NTAQ1: variants seen among roughly 807,000 people sequenced by gnomAD.
NTAQ1 encodes the protein protein N-terminal glutamine amidohydrolase.
In NTAQ1, 21 loss-of-function variants were observed where a neutral mutation model predicts 28.2. The observed-to-expected ratio is 0.74, with a 90% CI of 0.53 to 1.07. The LOEUF is 1.07. Among genes scored for constraint, NTAQ1 ranks in the 50% least tolerant of loss-of-function variants. NTAQ1 has a pLI of 0.00. For synonymous variants in NTAQ1, 105 were observed against 90.0 expected (o/e 1.17, Z -0.94); for missense variants, 264 against 256.6 (o/e 1.03, Z -0.20).
At chr8:123,465,790 C>T (rs980275335) in intron 6 of NTAQ1, among the ~76,000 whole-genome samples, 1 of 151,862 alleles carries the variant, frequency 6.6e-6, no homozygotes, top group Non-Finnish European at 1.5e-5. Context: ...CCATGTTGCC[C>T]AGGCTGGTCT....
chr8:123,460,851 G>A (rs1815803354), intron 6 of NTAQ1, among the ~76,000 whole-genome samples: 1 of 152,204 alleles, frequency 6.6e-6, no homozygotes, highest in Admixed American at 6.5e-5. Context: ...CGTTGCAAAG[G>A]AAGCAAGGAG....
chr8:123,460,108 G>T (rs562320049), intron 6 of NTAQ1, among the ~76,000 whole-genome samples: 23 of 152,070 alleles, frequency 1.5e-4, no homozygotes, highest in African/African-American at 5.5e-4. Context: ...CCCAATGTAC[G>T]TGATTTTTAT....
downstream of NTAQ1, among the ~76,000 whole-genome samples, chr8:123,471,614 G>A (rs892547366): frequency 1.3e-5 from 2 of 152,192 alleles, no homozygotes; most frequent in Admixed American, 1.3e-4. Flanking sequence ...CAGCAGGCTT[G>A]AGACCCAGGG....
intron 2 of NTAQ1, 76 bp from the exon 3 acceptor site, chr8:123,429,879 CAAAAAAAAAAAAAAAAAATCCCGTCTCA>C (rs747337330): frequency 0.015 from 5,165 of 336,480 alleles, 1 homozygote; most frequent in South Asian, 0.034. Context: ...GACTCTGTCT[CAAAAAAAAAAAAAAAAAATCCCGTCTCA>C]AAAAAAAAAA....
downstream of NTAQ1, among the ~76,000 whole-genome samples, chr8:123,473,604 T>G (rs1431065678): frequency 6.6e-6 from 1 of 152,236 alleles, no homozygotes; most frequent in Non-Finnish European, 1.5e-5. Flanking sequence ...ATTTTTGAAT[T>G]TCTACATTGT....
downstream of NTAQ1, among the ~76,000 whole-genome samples, chr8:123,451,880 C>T (rs915781306): frequency 6.6e-6 from 1 of 152,200 alleles, no homozygotes; most frequent in Non-Finnish European, 1.5e-5. Context: ...TTGAATTATT[C>T]CCGTTGACTA....
intron 1 of NTAQ1, among the ~76,000 whole-genome samples, chr8:123,421,255 AT>A (rs1282806676): frequency 2.6e-5 from 4 of 151,232 alleles, no homozygotes; most frequent in Non-Finnish European, 5.9e-5. Context: ...TAATTTTTAT[AT>A]TTTTTGTAGT....
chr8:123,437,343 A>G lies in NTAQ1; in HGVS notation c.508+9A>G. The G allele has an allele frequency of 6.2e-7, 1 of 1,613,778 alleles. No individual in the cohort carries two copies. Among genetic ancestry groups the G allele is most frequent in the Non-Finnish European group, 8.5e-7 (1 of 1,179,810 alleles). On this transcript the variant is annotated intron_variant, in intron 5 of 5. Coordinates refer to ENST00000287387, the MANE Select transcript of NTAQ1 (RefSeq NM_018024.3). ...CTGCATTGAGACTGGAGGTGAGCCA[A>G]GATGCCTTCTCAGATGGGGGTTCTG...
intron 2 of NTAQ1, among the ~76,000 whole-genome samples, chr8:123,428,353 C>T (rs564608956): frequency 1.2e-4 from 18 of 152,092 alleles, no homozygotes; most frequent in Admixed American, 4.6e-4. Context: ...TGTGCCACCA[C>T]GCCCAGCTAA....
intron 6 of NTAQ1, among the ~76,000 whole-genome samples, chr8:123,461,654 T>G (rs3901852): frequency 6.6e-6 from 1 of 152,064 alleles, no homozygotes. Context: ...TATTAGACCA[T>G]AAACTCATAA....
At chr8:123,472,140 C>T (rs16898372), downstream of NTAQ1, among the ~76,000 whole-genome samples, 2,011 of 152,230 alleles carry the variant, frequency 0.013, 41 homozygotes, top group African/African-American at 0.046. Context: ...GGCAGTGACT[C>T]AGGAGAGTTG....
At chr8:123,473,532 G>T (rs1188525190), downstream of NTAQ1, among the ~76,000 whole-genome samples, 1 of 152,152 alleles carries the variant, frequency 6.6e-6, no homozygotes, top group Non-Finnish European at 1.5e-5. Context: ...GACCTCAACT[G>T]ATCTGGCCTT....
intron 1 of NTAQ1, among the ~76,000 whole-genome samples, chr8:123,417,564 CT>C (rs1257476999): frequency 6.6e-6 from 1 of 152,164 alleles, no homozygotes; most frequent in Non-Finnish European, 1.5e-5. Context: ...CAGTGCACCC[CT>C]GTCCTAGGCC....
intron 3 of NTAQ1, among the ~76,000 whole-genome samples, chr8:123,431,187 AT>A (rs963513017): frequency 3.3e-5 from 5 of 152,068 alleles, no homozygotes; most frequent in African/African-American, 9.7e-5. Context: ...AAGTACAAAA[AT>A]TAGCTGGGTG....
chr8:123,428,651 A>G (rs932756677), intron 2 of NTAQ1, among the ~76,000 whole-genome samples: 2 of 151,726 alleles, frequency 1.3e-5, no homozygotes, highest in South Asian at 2.1e-4. Context: ...CCCAGGCTAT[A>G]GCACAATGGT....
chr8:123,444,597 C>A (rs7825820), downstream of NTAQ1, among the ~76,000 whole-genome samples: 55,117 of 152,078 alleles, frequency 0.36, 10,104 homozygotes, highest in East Asian at 0.56. Flanking sequence ...AGCTCTGCCT[C>A]CCGGGTTCAC....
At chr8:123,448,617 C>T (rs1586960928), downstream of NTAQ1, among the ~76,000 whole-genome samples, 5 of 152,120 alleles carry the variant, frequency 3.3e-5, no homozygotes, top group South Asian at 8.3e-4. Context: ...GAGACTCCGT[C>T]GAAAAAGAAT....
At chr8:123,418,270 C>T (rs928813418) in intron 1 of NTAQ1, among the ~76,000 whole-genome samples, 3 of 151,958 alleles carry the variant, frequency 2.0e-5, no homozygotes, top group Non-Finnish European at 4.4e-5. Context: ...GGCCGACATG[C>T]AGAAACCCTG....
At chr8:123,469,223 G>T (rs1353759644) in exon 7 of NTAQ1, among the ~76,000 whole-genome samples, 1 of 152,080 alleles carries the variant, frequency 6.6e-6, no homozygotes, top group African/African-American at 2.4e-5. Flanking sequence ...TTTTAAGTTT[G>T]ATATAATTCC....
Sources: allele counts gnomAD v4.1 joint callset (sites outside exome capture counted in the v4.1 genomes callset), GRCh38; gene constraint gnomAD v4.1.1; transcripts MANE v1.5; gene names NCBI Gene and HGNC (gene_info 2026-07-23, HGNC 2026-07-21).